The following DSCAML1 variants were observed in gnomAD, a reference collection of about 807,000 sequenced individuals.
DSCAML1 encodes cell adhesion molecule DSCAML1.
Under a neutral mutation model 200.5 loss-of-function variants are expected in DSCAML1, and 38 were observed. The ratio of observed to expected loss-of-function variants is 0.19; its 90% CI spans 0.15 to 0.25. DSCAML1 has a LOEUF of 0.25. Among genes scored for constraint, DSCAML1 ranks in the 10% least tolerant of loss-of-function variants. DSCAML1 has a pLI of 1.00. For synonymous variants in DSCAML1, 1,215 were observed against 1,165.0 expected (o/e 1.04, Z -0.87); for missense variants, 2,223 against 2,858.8 (o/e 0.78, Z 5.07).
At position 117,501,717 on chromosome 11, in the gene DSCAML1, A is replaced by G. The variant is rs1007581900; in HGVS notation, c.2359+2128T>C. Reference sequence around the variant, plus strand: ...CCCATCTGAGAGCCACGCAGGAGCCATGAGTGGGTGTTGAGAGGTTCTGAG... The same window carrying G: ...CCCATCTGAGAGCCACGCAGGAGCCGTGAGTGGGTGTTGAGAGGTTCTGAG... On this transcript the variant is annotated intron_variant, in intron 11 of 32. Transcript: ENST00000651296. Among the ~76,000 whole-genome samples, 4 of 152,234 alleles carry G rather than the reference A, an allele frequency of 2.6e-5. 1 individual carries two copies. Among genetic ancestry groups the G allele is most frequent in the South Asian group, 4.2e-4 (2 of 4,812 alleles).
rs1422424602 is a variant in DSCAML1, at chr11:117,432,413, G to T, written c.5118C>A (p.His1706Gln). The T allele has an allele frequency of 6.2e-7, 1 of 1,614,084 alleles. No individual in the cohort carries two copies. Among genetic ancestry groups the T allele is most frequent in the African/African-American group, 1.3e-5 (1 of 74,922 alleles). The change falls in exon 30 of 33, where the codon CAC becomes CAA. Residue 1706 changes from histidine to glutamine, a missense_variant. Physicochemically the swap from His to Gln is conservative, Grantham distance 24. Coordinates refer to ENST00000651296, the MANE Select transcript of DSCAML1 (RefSeq NM_020693.4). ...QSFCTGVSLH[H>Q]PTLIQSTGPL... ...GTCCTGTGCTCTGGATGAGGGTTGGGTGGTGCAAGGAGACGCCAGTACAGA... is the reference window on the plus strand; with the variant it reads ...GTCCTGTGCTCTGGATGAGGGTTGGTTGGTGCAAGGAGACGCCAGTACAGA...
chr11:117,749,044 A>G (rs1258608335), intron 3 of DSCAML1, among the ~76,000 whole-genome samples: 1 of 152,126 alleles, frequency 6.6e-6, no homozygotes, highest in African/African-American at 2.4e-5. Context: ...GCTTCCAGGG[A>G]GAGGTTCTGA....
At chr11:117,439,522 T>A (rs2047999551) in intron 22 of DSCAML1, 93 bp from the exon 23 acceptor site, 1 of 1,492,572 alleles carries the variant, frequency 6.7e-7, no homozygotes, top group Admixed American at 2.0e-5. Context: ...GAGCTGGGGG[T>A]GGAAGGAGGC....
In DSCAML1 at chr11:117,753,001, C is replaced by T. The variant is rs779352459; in HGVS notation, c.511+23790G>A. 1.1e-4 allele frequency among the ~76,000 whole-genome samples: 17 copies of T among 152,202 alleles called. No homozygotes were observed. The South Asian group carries it at 3.5e-3, about 32-fold the overall frequency. On this transcript the variant is annotated intron_variant, in intron 3 of 32. Coordinates refer to ENST00000651296, the MANE Select transcript of DSCAML1 (RefSeq NM_020693.4). ...CAGGATGGTGGCAGGGGTGGGAGCA[C>T]GGGAGTGGTGGGGACACAGCAAGTA...
chr11:117,809,548 C>T (rs1051659913), intron 1 of DSCAML1, among the ~76,000 whole-genome samples: 4 of 152,166 alleles, frequency 2.6e-5, no homozygotes, highest in African/African-American at 7.2e-5. Context: ...TAGACGGCGG[C>T]CACTCAAATT....
chr11:117,546,060 C>T lies in DSCAML1; in HGVS notation c.512-13538G>A, dbSNP rs146833587. ...GCAGAGCCAGAAGCTTTGGCCTGCCCGTCAGTGCTGAAGTGGTGTCACCAC... is the reference window on the plus strand; with the variant it reads ...GCAGAGCCAGAAGCTTTGGCCTGCCTGTCAGTGCTGAAGTGGTGTCACCAC... On this transcript the variant is annotated intron_variant, in intron 3 of 32. Transcript: ENST00000651296. Among the ~76,000 whole-genome samples the T allele has an allele frequency of 3.9e-5, 6 of 152,336 alleles. No individual in the cohort carries two copies. The East Asian group carries it at 5.8e-4, about 15-fold the overall frequency.
At position 117,577,589 on chromosome 11, in the gene DSCAML1, C is replaced by T. The variant is rs1429072480; in HGVS notation, c.512-45067G>A. On this transcript the variant is annotated intron_variant, in intron 3 of 32. Coordinates refer to ENST00000651296, the MANE Select transcript of DSCAML1 (RefSeq NM_020693.4). ...TTCTTTCCTTTCTTTTTTTTTTTGACGGAGCCTCGCTCTGTCGCCCAGGCT... is the reference window on the plus strand; with the variant it reads ...TTCTTTCCTTTCTTTTTTTTTTTGATGGAGCCTCGCTCTGTCGCCCAGGCT... 5.2e-5 allele frequency among the ~76,000 whole-genome samples: 7 copies of T among 135,080 alleles called. No homozygotes were observed. The East Asian group carries it at 9.4e-4, about 18-fold the overall frequency. The allele number at this position is 135,080 out of a possible 152,430, so 88.6% of individuals were successfully genotyped here.
At chr11:117,705,368 TA>T (rs2053742031) in intron 3 of DSCAML1, among the ~76,000 whole-genome samples, 3 of 152,228 alleles carry the variant, frequency 2.0e-5, no homozygotes, top group African/African-American at 7.2e-5. Flanking sequence ...TATTACATTT[TA>T]TTTTTTTGCT....
At chr11:117,790,005 G>T (rs999633790) in intron 1 of DSCAML1, among the ~76,000 whole-genome samples, 2 of 152,150 alleles carry the variant, frequency 1.3e-5, no homozygotes, top group African/African-American at 4.8e-5. Flanking sequence ...AACCCTGCAA[G>T]ACTTTTACCC....
rs1209108336 is a variant in DSCAML1 at position 117,430,922 on chromosome 11, A to G, written c.5486T>C (p.Phe1829Ser). Residue 1829 changes from phenylalanine (F) to serine (S), a missense_variant, in exon 32 of 33, where the codon TTT becomes TCT. Transcript: ENST00000651296. ...KLEEQLQHAK[F>S]EITECFISDS... is the part of the protein sequence containing the mutation. ...AGAGATGAAGCACTCGGTGATCTCA[A>G]ACTTGGCGTGCTGCAGCTGCTCCTC... The G allele has an allele frequency of 1.2e-6, 2 of 1,614,148 alleles. No individual in the cohort carries two copies. The highest frequency in any genetic ancestry group is 1.7e-5 in the Admixed American group (1 of 60,022).
At chr11:117,431,426 T>A in intron 31 of DSCAML1, 108 bp downstream of exon 31, 1 of 1,074,700 alleles carries the variant, frequency 9.3e-7, no homozygotes. Context: ...GACTTGTGCC[T>A]TGGGCCCCAT....
Position 117,581,946 on chromosome 11 carries a change from ATATT to A in DSCAML1, c.512-49428_512-49425del, listed in dbSNP as rs1162581803. ...ATCTCCTCAAAATTCACTTCTGCCTATATTTAAAGACCCATACCAGATCCCTAGG... is the reference window on the plus strand; with the variant it reads ...ATCTCCTCAAAATTCACTTCTGCCTATAAAGACCCATACCAGATCCCTAGG... On this transcript the variant is annotated intron_variant, in intron 3 of 32. Coordinates refer to ENST00000651296, the MANE Select transcript of DSCAML1 (RefSeq NM_020693.4). Among the ~76,000 whole-genome samples, 5 of 152,230 alleles carry A rather than the reference ATATT, an allele frequency of 3.3e-5. No homozygotes were observed. In the South Asian group the frequency reaches 1.0e-3, roughly 32 times the overall value.
chr11:117,798,543 C>T (rs1442677972), upstream of DSCAML1, among the ~76,000 whole-genome samples: 2 of 152,150 alleles, frequency 1.3e-5, no homozygotes, highest in African/African-American at 4.8e-5. Context: ...CAACCATCAT[C>T]ACTTACCATT....
rs1565702974 is a variant in DSCAML1, at chr11:117,461,512, C to G, written c.3350G>C (p.Ser1117Thr). 6.2e-7 allele frequency: 1 copy of G among 1,614,222 alleles called. No homozygotes were observed. The highest frequency in any genetic ancestry group is 8.5e-7 in the Non-Finnish European group (1 of 1,180,050). Reference protein sequence around the residue: ...AVISWSEPPRSTLNGVLKGYR... With the variant: ...AVISWSEPPRTTLNGVLKGYR... ...GCCTTTGAGGACGCCATTGAGGGTG[C>G]TGCGCGGGGGCTCTGACCAGGAGAT... Residue 1117 changes from serine (S) to threonine (T), a missense_variant, in exon 18 of 33, where the codon AGC becomes ACC. By Grantham distance (58) the Ser-to-Thr change is moderately conservative (BLOSUM62 1). Transcript: ENST00000651296.
intron 3 of DSCAML1, among the ~76,000 whole-genome samples, chr11:117,570,903 A>G (rs2050837967): frequency 6.6e-6 from 1 of 152,248 alleles, no homozygotes; most frequent in East Asian, 1.9e-4. Context: ...AGGAGCTCAA[A>G]GACGAATCAG....
At chr11:117,709,642 A>G in intron 3 of DSCAML1, 1 of 454,716 alleles carries the variant, frequency 2.2e-6, no homozygotes, top group Non-Finnish European at 4.4e-6. Flanking sequence ...AGAGGGTTAC[A>G]GAACCATAAT....
chr11:117,459,029 T>G, intron 18 of DSCAML1, 120 bp from the exon 19 acceptor site: 1 of 1,273,460 alleles, frequency 7.9e-7, no homozygotes. Flanking sequence ...GACTCCATGG[T>G]GGCGAGGACT....
chr11:117,532,411 G>A lies in DSCAML1; in HGVS notation c.623C>T (p.Thr208Ile). 1 of 1,614,096 alleles carries A rather than the reference G, an allele frequency of 6.2e-7. No individual in the cohort carries two copies. Among genetic ancestry groups the A allele is most frequent in the Non-Finnish European group, 8.5e-7 (1 of 1,179,992 alleles). The change falls in exon 4 of 33, where the codon ACC becomes ATC. Residue 208 changes from threonine to isoleucine, a missense_variant. Physicochemically the swap from Thr to Ile is moderately conservative, Grantham distance 89. Coordinates refer to ENST00000651296, the MANE Select transcript of DSCAML1 (RefSeq NM_020693.4). ...CITKHKYSGETRQSNGARLSV... is the reference protein window; with the variant it reads ...CITKHKYSGEIRQSNGARLSV... ...GAGGCGTGCCCCATTGCTCTGCCGG[G>A]TCTCCCCGCTATACTTGTGCTTGGT...
chr11:117,702,919 A>G (rs747765461), intron 3 of DSCAML1, among the ~76,000 whole-genome samples: 2 of 152,236 alleles, frequency 1.3e-5, no homozygotes, highest in Non-Finnish European at 2.9e-5. Flanking sequence ...ATCCTATTGT[A>G]AAATAGAAGA....
Sources: allele counts gnomAD v4.1 joint callset (sites outside exome capture counted in the v4.1 genomes callset), GRCh38; gene constraint gnomAD v4.1.1; transcripts MANE v1.5; gene names NCBI Gene and HGNC (gene_info 2026-07-23, HGNC 2026-07-21).